OSMR: variants seen among roughly 807,000 people sequenced by gnomAD.
OSMR encodes the protein oncostatin M receptor.
Under a neutral mutation model 99.9 loss-of-function variants are expected in OSMR, and 81 were observed. The ratio of observed to expected loss-of-function variants is 0.81; its 90% CI spans 0.68 to 0.97. The LOEUF is 0.97. Among genes scored for constraint, OSMR ranks in the 50% least tolerant of loss-of-function variants. OSMR has a pLI of 0.00. For synonymous variants in OSMR, 406 were observed against 410.4 expected (o/e 0.99, Z 0.13); for missense variants, 1,099 against 1,153.4 (o/e 0.95, Z 0.68).
At chr5:38,899,557 A>T (rs951912469) in intron 7 of OSMR, among the ~76,000 whole-genome samples, 1 of 152,172 alleles carries the variant, frequency 6.6e-6, no homozygotes, top group African/African-American at 2.4e-5. Flanking sequence ...CCCAAGGCCC[A>T]TGGTATACTA....
At chr5:38,904,326 C>CT (rs761971229) in intron 8 of OSMR, 27 bp from the exon 9 acceptor site, 1 of 1,608,026 alleles carries the variant, frequency 6.2e-7, no homozygotes, top group South Asian at 1.1e-5. Flanking sequence ...TCTCTTTTTT[C>CT]TTTTCTTCTC....
chr5:38,869,678 C>A (rs897612959), intron 2 of OSMR, among the ~76,000 whole-genome samples: 7 of 151,980 alleles, frequency 4.6e-5, no homozygotes, highest in African/African-American at 1.7e-4. Context: ...TAGCTACTCC[C>A]CAAGGGAAGA....
At chr5:38,882,368 A>G (rs894387872) in intron 4 of OSMR, among the ~76,000 whole-genome samples, 1 of 152,216 alleles carries the variant, frequency 6.6e-6, no homozygotes, top group African/African-American at 2.4e-5. Flanking sequence ...TGAGGTCAGG[A>G]GTTCAAGACC....
Position 38,852,818 on chromosome 5 carries a change from C to T in OSMR, c.-14+6431C>T, listed in dbSNP as rs1192163459. Among the ~76,000 whole-genome samples, 3 of 143,528 alleles carry T rather than the reference C, an allele frequency of 2.1e-5. No individual in the cohort carries two copies. The East Asian group carries it at 6.1e-4, about 29-fold the overall frequency. The allele number at this position is 143,528 out of a possible 152,430, so 94.2% of individuals were successfully genotyped here. On this transcript the variant is annotated intron_variant, in intron 1 of 17. Coordinates refer to ENST00000274276, the MANE Select transcript of OSMR (RefSeq NM_003999.3). ...CTATCCTGGCTCACTGCAAGCTCCG[C>T]CTCTTGGGTTCATGCCATTCTCCTG...
Position 38,933,006 on chromosome 5 carries a change from G to A in OSMR, c.2502G>A (p.Lys834=). 1 of 1,614,120 alleles carries A rather than the reference G, an allele frequency of 6.2e-7. No individual in the cohort carries two copies. The highest frequency in any genetic ancestry group is 8.5e-7 in the Non-Finnish European group (1 of 1,179,988). The change falls in exon 18 of 18, where the codon AAG becomes AAA. Residue 834 remains lysine (K), a synonymous_variant. Coordinates refer to ENST00000274276, the MANE Select transcript of OSMR (RefSeq NM_003999.3). ...CACTCACAGAAACCGAGTTGACTAA[G>A]CCTAACTACCTTTATCTCCTTCCAA... ...RKSLTETELT[K]PNYLYLLPTE...
chr5:38,895,775 A>G (rs72635258), intron 7 of OSMR, among the ~76,000 whole-genome samples: 2,311 of 152,188 alleles, frequency 0.015, 50 homozygotes, highest in East Asian at 0.052. Context: ...TAGTAGTTTC[A>G]TAGTTTAAGG....
intron 7 of OSMR, among the ~76,000 whole-genome samples, chr5:38,899,386 G>A (rs931806059): frequency 7.2e-5 from 11 of 152,108 alleles, no homozygotes; most frequent in Admixed American, 2.6e-4. Flanking sequence ...CCAAGGCCTG[G>A]AATCAGAGAC....
At chr5:38,909,983 A>G (rs1409282115) in intron 9 of OSMR, among the ~76,000 whole-genome samples, 1 of 152,254 alleles carries the variant, frequency 6.6e-6, no homozygotes. Context: ...CAGGAGACCT[A>G]TATCACACGC....
intron 15 of OSMR, among the ~76,000 whole-genome samples, chr5:38,927,206 T>C (rs1012247227): frequency 4.6e-5 from 7 of 152,270 alleles, no homozygotes; most frequent in Non-Finnish European, 1.0e-4. Flanking sequence ...AGGCACATGG[T>C]GCAAGCTGTT....
intron 1 of OSMR, chr5:38,942,194 G>C: frequency 1.6e-6 from 1 of 610,986 alleles, no homozygotes; most frequent in East Asian, 2.9e-5. Context: ...ACAGTGTACA[G>C]AAGATACTCC....
Position 38,883,876 on chromosome 5 carries a change from G to A in OSMR, c.468G>A (p.Lys156=), listed in dbSNP as rs771395746. The A allele has an allele frequency of 1.2e-6, 2 of 1,613,686 alleles. No individual in the cohort carries two copies. Among genetic ancestry groups the A allele is most frequent in the East Asian group, 2.2e-5 (1 of 44,866 alleles). ...TATTGTTCGTTTTCCCTAAAGATAA[G>A]CTGGTGGAAGAAGGCACCAATGTTA... ...QDILFVFPKD[K]LVEEGTNVTI... is the part of the protein sequence containing the mutation. Residue 156 remains lysine, a synonymous_variant, in exon 5 of 18, where the codon AAG becomes AAA. Transcript: ENST00000274276.
chr5:38,945,239 T>G (rs1448071138), downstream of OSMR: 4 of 625,010 alleles, frequency 6.4e-6, no homozygotes, highest in East Asian at 8.3e-5. Context: ...AACTACAGCA[T>G]GCAAAGGGCC....
chr5:38,937,450 T>C (rs1747104127), downstream of OSMR, among the ~76,000 whole-genome samples: 2 of 152,234 alleles, frequency 1.3e-5, no homozygotes, highest in Non-Finnish European at 2.9e-5. The surrounding 1 kb of genome is among the most constrained non-coding windows in gnomAD (Gnocchi z 4.0). Flanking sequence ...CATTTTACCA[T>C]ATTTTATTAA....
chr5:38,862,813 G>T (rs1185720466), intron 1 of OSMR, among the ~76,000 whole-genome samples: 1 of 151,872 alleles, frequency 6.6e-6, no homozygotes, highest in African/African-American at 2.4e-5. Context: ...CAAGGCAGGC[G>T]GCTGGGAGGT....
chr5:38,857,991 T>C (rs1198436115), intron 1 of OSMR, among the ~76,000 whole-genome samples: 1 of 152,170 alleles, frequency 6.6e-6, no homozygotes, highest in Non-Finnish European at 1.5e-5. Context: ...TTTTAGAAAA[T>C]TGTATATATA....
Position 38,884,020 on chromosome 5 carries a change from T to A in OSMR, c.612T>A (p.Pro204=), listed in dbSNP as rs1427920653. The A allele has an allele frequency of 6.2e-7, 1 of 1,613,712 alleles. No homozygotes were observed. The highest frequency in any genetic ancestry group is 8.5e-7 in the Non-Finnish European group (1 of 1,179,608). Residue 204 remains proline (P), a synonymous_variant, in exon 5 of 18, where the codon CCT becomes CCA. Coordinates refer to ENST00000274276, the MANE Select transcript of OSMR (RefSeq NM_003999.3). ...CTGCATTCAACTTGAATAGTGTGCC[T>A]TTCATTAGGAATAAAGGGACAAATA... ...HVTAFNLNSV[P]FIRNKGTNIY...
chr5:38,862,022 C>A (rs544598034), intron 1 of OSMR, among the ~76,000 whole-genome samples: 1 of 123,010 alleles, frequency 8.1e-6, no homozygotes, highest in Admixed American at 7.5e-5. Flanking sequence ...GGCAGAGGGG[C>A]TCCTCACTTC....
chr5:38,852,718 ATTTTTTTT>A (rs61559728), intron 1 of OSMR, among the ~76,000 whole-genome samples: 106 of 70,680 alleles, frequency 1.5e-3, no homozygotes, highest in African/African-American at 5.1e-3. Context: ...TATTGTTTTC[ATTTTTTTT>A]TTTTTTTTTT....
At chr5:38,902,145 C>A (rs576149975) in intron 7 of OSMR, among the ~76,000 whole-genome samples, 9 of 152,222 alleles carry the variant, frequency 5.9e-5, no homozygotes, top group Admixed American at 2.6e-4. Context: ...CCTCAATTAA[C>A]AAAATACTGT....
Sources: gnomAD v4.1 joint callset for allele counts (sites outside exome capture counted in the v4.1 genomes callset) on GRCh38, gnomAD v4.1.1 for gene constraint, Gnocchi (gnomAD v3.1) non-coding constraint, MANE v1.5 for transcripts, NCBI Gene and HGNC (gene_info 2026-07-23, HGNC 2026-07-21) for gene names.